Variants in PCSK5 observed in about 807,000 individuals in gnomAD.
PCSK5 encodes proprotein convertase subtilisin/kexin type 5.
Under a neutral mutation model 233.2 loss-of-function variants are expected in PCSK5, and 129 were observed. That is an observed-to-expected ratio of 0.55 (90% CI 0.48 to 0.64). PCSK5 has a LOEUF of 0.64. Ranked by LOEUF, PCSK5 falls within the 30% of genes least tolerant of loss-of-function variation. The pLI is 0.00. For synonymous variants in PCSK5, 825 were observed against 879.2 expected (o/e 0.94, Z 1.09); for missense variants, 2,076 against 2,430.1 (o/e 0.85, Z 3.06).
Position 76,015,836 on chromosome 9 carries a change from G to A in PCSK5, c.412-7902G>A, listed in dbSNP as rs147564616. 5.2e-4 allele frequency among the ~76,000 whole-genome samples: 79 copies of A among 152,092 alleles called. No homozygotes were observed. The East Asian group carries it at 0.013, about 25-fold the overall frequency. On this transcript the variant is annotated intron_variant, in intron 3 of 37. Transcript: ENST00000674117. ...CCTTAAACATTAGTGAGCTTTTTGTGGTTTTAGCAAACCACACCTTCCTCA... is the reference window on the plus strand; with the variant it reads ...CCTTAAACATTAGTGAGCTTTTTGTAGTTTTAGCAAACCACACCTTCCTCA...
chr9:76,192,389 T>G (rs1587740536), intron 20 of PCSK5, among the ~76,000 whole-genome samples: 1 of 152,224 alleles, frequency 6.6e-6, no homozygotes, highest in Admixed American at 6.5e-5. Flanking sequence ...GGATGTGTTA[T>G]TTATTCTCTT....
At chr9:75,981,415 C>T (rs929338955) in intron 2 of PCSK5, among the ~76,000 whole-genome samples, 3 of 152,170 alleles carry the variant, frequency 2.0e-5, no homozygotes, top group African/African-American at 4.8e-5. Context: ...TTTCCAAATC[C>T]AACTCCTTTT....
At chr9:76,100,943 C>G (rs1022413738) in intron 8 of PCSK5, among the ~76,000 whole-genome samples, 1 of 152,108 alleles carries the variant, frequency 6.6e-6, no homozygotes, top group Non-Finnish European at 1.5e-5. Context: ...TAGAACACTC[C>G]TCTACCAAAT....
At position 76,207,956 on chromosome 9, in the gene PCSK5, G is replaced by A. The variant is rs189462512; in HGVS notation, c.2626+18210G>A. On this transcript the variant is annotated intron_variant, in intron 20 of 37. Transcript: ENST00000674117. The stretch of plus-strand genomic sequence containing the variant: ...AGTCTAAGATCAAGCAGCTGCATTT[G>A]GTGAGAGCCTTCTTGCTATATCATA... Among the ~76,000 whole-genome samples the A allele has an allele frequency of 8.8e-4, 134 of 152,292 alleles. 1 individual carries two copies. The highest frequency in any genetic ancestry group is 3.1e-3 in the African/African-American group (130 of 41,570).
chr9:75,982,099 A>AT (rs536566513), intron 2 of PCSK5, among the ~76,000 whole-genome samples: 52 of 151,868 alleles, frequency 3.4e-4, no homozygotes, highest in Non-Finnish European at 3.1e-4. Flanking sequence ...TGTAACTTAC[A>AT]TTTTTTTTCC....
chr9:76,086,438 G>A (rs977061591), intron 7 of PCSK5, among the ~76,000 whole-genome samples: 2 of 152,162 alleles, frequency 1.3e-5, no homozygotes, highest in Admixed American at 6.5e-5. Context: ...GTAGGAAGGA[G>A]TGACCGGAAG....
chr9:76,289,496 C>CAT (rs1554717442), intron 24 of PCSK5, among the ~76,000 whole-genome samples: 35 of 134,906 alleles, frequency 2.6e-4, no homozygotes, highest in Middle Eastern at 3.5e-3. Context: ...CACACACACA[C>CAT]ACACACACAC....
chr9:76,331,078 G>A (rs963906601), intron 33 of PCSK5, among the ~76,000 whole-genome samples: 4 of 152,178 alleles, frequency 2.6e-5, no homozygotes, highest in Non-Finnish European at 5.9e-5. Flanking sequence ...GTCCCCCTGG[G>A]AAATGGGTGC....
chr9:76,318,531 T>G (rs1156732204), intron 30 of PCSK5, among the ~76,000 whole-genome samples: 1 of 152,010 alleles, frequency 6.6e-6, no homozygotes, highest in African/African-American at 2.4e-5. Flanking sequence ...CCAAATATAT[T>G]TGAGAGGATT....
chr9:76,257,709 G>A (rs1827029238), intron 24 of PCSK5, among the ~76,000 whole-genome samples: 1 of 152,140 alleles, frequency 6.6e-6, no homozygotes, highest in Non-Finnish European at 1.5e-5. Context: ...TCTGGACAGG[G>A]CCATGCCTCA....
chr9:76,046,187 T>TTTTTTTTTTC (rs1829382265), intron 5 of PCSK5, among the ~76,000 whole-genome samples: 1 of 104,662 alleles, frequency 9.6e-6, no homozygotes, highest in Non-Finnish European at 1.9e-5. Flanking sequence ...TTTTTTTTTT[T>TTTTTTTTTTC]TTTTTTTTGA....
intron 15 of PCSK5, among the ~76,000 whole-genome samples, chr9:76,180,879 T>C (rs1823836733): frequency 6.9e-6 from 1 of 145,812 alleles, no homozygotes; most frequent in South Asian, 2.2e-4. Context: ...GCTTCCATTA[T>C]GGGCAAACAA....
intron 1 of PCSK5, among the ~76,000 whole-genome samples, chr9:75,908,987 C>CTATCTATCTATA (rs1822586649): frequency 7.1e-6 from 1 of 141,786 alleles, no homozygotes; most frequent in East Asian, 2.1e-4. Flanking sequence ...ATCTATCTAT[C>CTATCTATCTATA]TATCCGATTT....
rs115140761 is a variant in PCSK5 at position 76,112,813 on chromosome 9, A to G, written c.1208+5462A>G. Among the ~76,000 whole-genome samples, 793 of 152,198 alleles carry G rather than the reference A, an allele frequency of 5.2e-3. 12 individuals are homozygous for G. Among genetic ancestry groups the G allele is most frequent in the African/African-American group, 0.018 (750 of 41,546 alleles). On this transcript the variant is annotated intron_variant, in intron 9 of 37. Coordinates refer to ENST00000674117, the MANE Select transcript of PCSK5 (RefSeq NM_001372043.1). ...ATATGCAAATTATTTAAGGAAGTCAATGAAATCGTTCTGGGGGAAGGGTTG... is the reference window on the plus strand; with the variant it reads ...ATATGCAAATTATTTAAGGAAGTCAGTGAAATCGTTCTGGGGGAAGGGTTG...
At chr9:76,313,029 A>T (rs1043641587) in intron 30 of PCSK5, among the ~76,000 whole-genome samples, 1 of 149,496 alleles carries the variant, frequency 6.7e-6, no homozygotes, top group African/African-American at 2.6e-5. Context: ...TGCAACGTCC[A>T]GGTATTGTGC....
At chr9:76,009,457 G>T (rs4745485) in intron 3 of PCSK5, among the ~76,000 whole-genome samples, 21,162 of 151,112 alleles carry the variant, frequency 0.14, 2,838 homozygotes, top group African/African-American at 0.35. Flanking sequence ...TGAAACCCTG[G>T]CTCTACTAAA....
Position 76,328,199 on chromosome 9 carries a change from G to C in PCSK5, c.4530G>C (p.Glu1510Asp), listed in dbSNP as rs1829426017. Residue 1510 changes from glutamate (E) to aspartate (D), a missense_variant, in exon 33 of 38, where the codon GAG (glutamate) becomes GAC (aspartate). Transcript: ENST00000674117. ...GCTTCCACTGCATGGGGCCGGCGGA[G>C]GACCAGTGTCAAACATGCCCCATGA... ...VKCFHCMGPA[E>D]DQCQTCPMNS... 6.2e-7 allele frequency: 1 copy of C among 1,612,836 alleles called. No individual in the cohort carries two copies. Among genetic ancestry groups the C allele is most frequent in the African/African-American group, 1.3e-5 (1 of 75,050 alleles).
At chr9:75,981,135 T>A (rs1207882731) in intron 2 of PCSK5, among the ~76,000 whole-genome samples, 1 of 152,254 alleles carries the variant, frequency 6.6e-6, no homozygotes, top group Non-Finnish European at 1.5e-5. Flanking sequence ...CACTCCTTTA[T>A]GAATATTAAT....
chr9:75,988,482 A>T (rs1826623713), intron 3 of PCSK5, among the ~76,000 whole-genome samples: 1 of 151,926 alleles, frequency 6.6e-6, no homozygotes. Context: ...GGGTTTCACC[A>T]TGTTGCCCAG....
Sources: allele counts gnomAD v4.1 joint callset (sites outside exome capture counted in the v4.1 genomes callset), GRCh38; gene constraint gnomAD v4.1.1; transcripts MANE v1.5; gene names NCBI Gene and HGNC (gene_info 2026-07-23, HGNC 2026-07-21).